Variants in HS6ST3 observed in about 807,000 individuals in gnomAD.
The protein encoded by HS6ST3 is heparan sulfate 6-O-sulfotransferase 3, also known as heparan-sulfate 6-O-sulfotransferase 3.
In HS6ST3, 12 loss-of-function variants were observed where a neutral mutation model predicts 36.7. The ratio of observed to expected loss-of-function variants is 0.33; its 90% CI spans 0.21 to 0.53. The LOEUF is 0.53. HS6ST3 is among the 20% of genes least tolerant of loss of function. HS6ST3 has a pLI of 0.95. For synonymous variants in HS6ST3, 240 were observed against 257.5 expected (o/e 0.93, Z 0.65); for missense variants, 584 against 640.9 (o/e 0.91, Z 0.96).
At chr13:96,406,678 T>C (rs1237679668) in intron 1 of HS6ST3, among the ~76,000 whole-genome samples, 2 of 152,198 alleles carry the variant, frequency 1.3e-5, no homozygotes, top group Non-Finnish European at 2.9e-5. Flanking sequence ...AATTGTAAAA[T>C]GTAAAAGAGC....
chr13:96,091,684 T>A, intron 1 of HS6ST3, 115 bp downstream of exon 1: 1 of 1,389,740 alleles, frequency 7.2e-7, no homozygotes, highest in Non-Finnish European at 9.5e-7. Flanking sequence ...CCTGGCGTCT[T>A]CAGCGGTTGG....
chr13:96,333,032 C>G lies in HS6ST3; in HGVS notation c.707+241463C>G, dbSNP rs536604072. On this transcript the variant is annotated intron_variant, in intron 1 of 1. Transcript: ENST00000376705. ...AGACACCAAATTTACTGGCACCTTG[C>G]TCTTGGACTTCTCAGCCTCTAAAAC... Among the ~76,000 whole-genome samples the G allele has an allele frequency of 9.8e-5, 15 of 152,344 alleles. No homozygotes were observed. In the South Asian group the frequency reaches 3.1e-3, roughly 32 times the overall value.
intron 1 of HS6ST3, among the ~76,000 whole-genome samples, chr13:96,135,184 A>AC (rs139607502): frequency 0.026 from 4,009 of 152,100 alleles, 62 homozygotes; most frequent in Non-Finnish European, 0.034. Context: ...TGGACCTGCC[A>AC]CCCTTCTTAG....
intron 1 of HS6ST3, among the ~76,000 whole-genome samples, chr13:96,415,054 T>C (rs1337090954): frequency 6.6e-6 from 1 of 152,240 alleles, no homozygotes; most frequent in Non-Finnish European, 1.5e-5. Flanking sequence ...GAAATGTAGC[T>C]TTAAAAATAG....
At chr13:96,190,502 T>C (rs1278593480) in intron 1 of HS6ST3, among the ~76,000 whole-genome samples, 1 of 152,222 alleles carries the variant, frequency 6.6e-6, no homozygotes, top group African/African-American at 2.4e-5. Context: ...GCTCATGCAA[T>C]CAGTTATTCA....
At chr13:96,599,991 G>C (rs2056415615) in intron 1 of HS6ST3, among the ~76,000 whole-genome samples, 1 of 152,056 alleles carries the variant, frequency 6.6e-6, no homozygotes, top group Non-Finnish European at 1.5e-5. Context: ...TGTTGTCTGA[G>C]AAGATACTTG....
intron 1 of HS6ST3, among the ~76,000 whole-genome samples, chr13:96,182,609 T>C (rs560852798): frequency 2.0e-5 from 3 of 152,356 alleles, no homozygotes; most frequent in Admixed American, 2.0e-4. Context: ...TTGTCGTTAC[T>C]TTGCCTTTTC....
intron 1 of HS6ST3, among the ~76,000 whole-genome samples, chr13:96,733,899 C>T (rs1005438174): frequency 1.3e-5 from 2 of 152,174 alleles, no homozygotes; most frequent in Non-Finnish European, 2.9e-5. Flanking sequence ...CAGAATACCT[C>T]AATTCCTCCC....
At chr13:96,759,350 G>A (rs1480759974) in intron 1 of HS6ST3, among the ~76,000 whole-genome samples, 2 of 151,654 alleles carry the variant, frequency 1.3e-5, no homozygotes, top group African/African-American at 4.8e-5. Flanking sequence ...CATCCCATCA[G>A]TTTTCTGTTT....
intron 1 of HS6ST3, among the ~76,000 whole-genome samples, chr13:96,673,266 TCTC>T (rs2056688261): frequency 6.6e-6 from 1 of 152,138 alleles, no homozygotes; most frequent in East Asian, 1.9e-4. Context: ...TCCAGGATAA[TCTC>T]CTCATTTTGT....
intron 1 of HS6ST3, among the ~76,000 whole-genome samples, chr13:96,521,584 G>C (rs892628409): frequency 1.3e-5 from 2 of 152,172 alleles, no homozygotes; most frequent in East Asian, 3.8e-4. Flanking sequence ...TGTTGGGAGG[G>C]TGTATGTGTC....
At chr13:96,669,004 A>T (rs1274129609) in intron 1 of HS6ST3, among the ~76,000 whole-genome samples, 1 of 152,086 alleles carries the variant, frequency 6.6e-6, no homozygotes, top group Non-Finnish European at 1.5e-5. Flanking sequence ...TAAATTGGAA[A>T]GTACACATTT....
At chr13:96,154,585 C>T (rs1353657877) in intron 1 of HS6ST3, among the ~76,000 whole-genome samples, 4 of 151,860 alleles carry the variant, frequency 2.6e-5, no homozygotes, top group Non-Finnish European at 5.9e-5. Flanking sequence ...TAAAAGAGAT[C>T]GCCTCTTACA....
chr13:96,733,105 C>G (rs569387732), intron 1 of HS6ST3, among the ~76,000 whole-genome samples: 1 of 152,168 alleles, frequency 6.6e-6, no homozygotes, highest in South Asian at 2.1e-4. Flanking sequence ...TCTTTCTTTC[C>G]AATTTGGATG....
At chr13:96,246,576 A>G (rs1428214030) in intron 1 of HS6ST3, among the ~76,000 whole-genome samples, 1 of 152,200 alleles carries the variant, frequency 6.6e-6, no homozygotes, top group African/African-American at 2.4e-5. Flanking sequence ...GTTTACAAAT[A>G]TAGACTTGAT....
At chr13:96,696,229 G>T (rs1875123841) in intron 1 of HS6ST3, among the ~76,000 whole-genome samples, 1 of 152,172 alleles carries the variant, frequency 6.6e-6, no homozygotes, top group Non-Finnish European at 1.5e-5. Flanking sequence ...GCAGTCCCCA[G>T]GTAGATGTCT....
intron 1 of HS6ST3, among the ~76,000 whole-genome samples, chr13:96,097,174 GGTTAC>G (rs569597203): frequency 3.0e-4 from 45 of 152,022 alleles, no homozygotes; most frequent in Non-Finnish European, 4.6e-4. Flanking sequence ...TCTTCCTGAT[GGTTAC>G]CTTGGAATTT....
Position 96,556,985 on chromosome 13 carries a change from C to T in HS6ST3, c.708-275505C>T, listed in dbSNP as rs9584382. Among the ~76,000 whole-genome samples the T allele has an allele frequency of 2.0e-5, 3 of 152,258 alleles. No homozygotes were observed. In the East Asian group the frequency reaches 5.8e-4, roughly 29 times the overall value. On this transcript the variant is annotated intron_variant, in intron 1 of 1. Coordinates refer to ENST00000376705, the MANE Select transcript of HS6ST3 (RefSeq NM_153456.4). ...GGGTATGCTGCAAAGAGATGGCCCT[C>T]TATCTGATGTCAGTTCCAATTTTTT...
At chr13:96,493,379 A>C (rs898211978) in intron 1 of HS6ST3, among the ~76,000 whole-genome samples, 3 of 152,168 alleles carry the variant, frequency 2.0e-5, no homozygotes, top group Non-Finnish European at 4.4e-5. Flanking sequence ...TAAATTGCCA[A>C]TAGAGCGTTT....
Sources: gnomAD v4.1 joint callset for allele counts (sites outside exome capture counted in the v4.1 genomes callset) on GRCh38, gnomAD v4.1.1 for gene constraint, MANE v1.5 for transcripts, NCBI Gene and HGNC (gene_info 2026-07-23, HGNC 2026-07-21) for gene names.